Variants in ENPEP observed in about 807,000 individuals in gnomAD.
ENPEP encodes the protein glutamyl aminopeptidase, also known as AP-A.
A neutral mutation model predicts 114.5 loss-of-function variants in ENPEP; 103 were observed. That is an observed-to-expected ratio of 0.90 (90% CI 0.77 to 1.06). The LOEUF is 1.06. ENPEP is among the 50% of genes least tolerant of loss of function. The probability of loss-of-function intolerance (pLI) is 0.00; values close to 1 mark genes in which losing one functional copy is unlikely to be tolerated. For synonymous variants in ENPEP, 420 were observed against 422.0 expected, an observed-to-expected ratio of 1.00 and a Z score of 0.06; for missense variants, 1,196 against 1,161.3, an observed-to-expected ratio of 1.03 and a Z score of -0.43.
rs187582731 is a variant in ENPEP, at chr4:110,506,775, A to G, written c.1039+18A>G. Reference sequence around the variant, plus strand: ...TAAATTAGGTGAGGATCATTTTTTAATTTTCTTATTTTTAATATTGCCTTT... The same window carrying G: ...TAAATTAGGTGAGGATCATTTTTTAGTTTTCTTATTTTTAATATTGCCTTT... On this transcript the variant is annotated intron_variant, in intron 4 of 19. Coordinates refer to ENST00000265162, the MANE Select transcript of ENPEP (RefSeq NM_001977.4). 1.6e-4 allele frequency: 231 copies of G among 1,473,174 alleles called. 1 individual carries two copies. In the African/African-American group the frequency reaches 2.9e-3, roughly 18 times the overall value. 91.3% of individuals were successfully genotyped at this position (1,473,174 alleles called of 1,614,324 possible). A position where few individuals can be genotyped will look rare whatever the true frequency, so the allele number is the denominator to read the frequency against.
chr4:110,549,696 A>G lies in ENPEP; in HGVS notation c.2331-20A>G, dbSNP rs778786336. 8.7e-6 allele frequency: 14 copies of G among 1,612,726 alleles called. No homozygotes were observed. The African/African-American group carries it at 1.9e-4, about 22-fold the overall frequency. Reference sequence around the variant, plus strand: ...AGAAAAGAGTAGTTGAAATCTCTGAAACACTGTTTCTTCTTCTAGCCTTCC... The same window carrying G: ...AGAAAAGAGTAGTTGAAATCTCTGAGACACTGTTTCTTCTTCTAGCCTTCC... On this transcript the variant is annotated intron_variant, in intron 16 of 19. Coordinates refer to ENST00000265162, the MANE Select transcript of ENPEP (RefSeq NM_001977.4).
At chr4:110,494,377 A>G (rs1724847873) in intron 3 of ENPEP, among the ~76,000 whole-genome samples, 1 of 152,242 alleles carries the variant, frequency 6.6e-6, no homozygotes, top group Non-Finnish European at 1.5e-5. Flanking sequence ...GTAAAAAACA[A>G]AAATAAAAAA....
At chr4:110,480,149 A>AT (rs1724256312) in intron 1 of ENPEP, among the ~76,000 whole-genome samples, 1 of 152,228 alleles carries the variant, frequency 6.6e-6, no homozygotes, top group Admixed American at 6.5e-5. Context: ...TGTATGTTTC[A>AT]TTGGGAGCAG....
rs780680598 is a variant in ENPEP, at chr4:110,520,315, G to C, written c.1676G>C (p.Arg559Pro). Reference sequence around the variant, plus strand: ...GGTGTCAAGAACATCACACAGAAACGCTTTTTGTTGGACCCAAGAGCTAAC... The same window carrying C: ...GGTGTCAAGAACATCACACAGAAACCCTTTTTGTTGGACCCAAGAGCTAAC... ...VNGVKNITQK[R>P]FLLDPRANPS... The change falls in exon 10 of 20, where the codon CGC (arginine) becomes CCC (proline). Residue 559 changes from arginine to proline, a missense_variant. Transcript: ENST00000265162. 8.1e-6 allele frequency: 13 copies of C among 1,613,978 alleles called. No individual in the cohort carries two copies. Among genetic ancestry groups the C allele is most frequent in the Non-Finnish European group, 1.0e-5 (12 of 1,179,926 alleles).
At chr4:110,534,789 A>G (rs4834016) in intron 11 of ENPEP, among the ~76,000 whole-genome samples, 150,189 of 151,614 alleles carry the variant, frequency 0.99, 74,397 homozygotes, top group East Asian at 1. Flanking sequence ...GATTATAGGC[A>G]TGAGCCACCG....
rs1424240634 is a variant in ENPEP, at chr4:110,476,633, G to C, written c.219G>C (p.Gln73His). ...CCAGCCCCTCAGGTCCTCCTGCCCA[G>C]GACCAGGACATCTGCCCGGCCAGTG... ...STASPSGPPA[Q>H]DQDICPASED... Residue 73 changes from glutamine to histidine, a missense_variant, in exon 1 of 20, where the codon CAG becomes CAC. Coordinates refer to ENST00000265162, the MANE Select transcript of ENPEP (RefSeq NM_001977.4). 1 of 1,614,146 alleles carries C rather than the reference G, an allele frequency of 6.2e-7. No individual in the cohort carries two copies. The highest frequency in any genetic ancestry group is 2.2e-5 in the East Asian group (1 of 44,868).
At chr4:110,492,583 G>A (rs973726859) in intron 3 of ENPEP, among the ~76,000 whole-genome samples, 1 of 152,180 alleles carries the variant, frequency 6.6e-6, no homozygotes, top group African/African-American at 2.4e-5. Context: ...ATATCATGAG[G>A]ACTCATCCGT....
intron 6 of ENPEP, 123 bp downstream of exon 6, chr4:110,510,481 C>A: frequency 1.2e-6 from 1 of 802,926 alleles, no homozygotes; most frequent in Non-Finnish European, 2.0e-6. Context: ...GGGAATTCCA[C>A]TGTGAGGATA....
chr4:110,478,622 T>A (rs1383591979), intron 1 of ENPEP, among the ~76,000 whole-genome samples: 1 of 152,194 alleles, frequency 6.6e-6, no homozygotes, highest in Non-Finnish European at 1.5e-5. Flanking sequence ...TGTTCTTTAT[T>A]GAGACAGGGT....
intron 11 of ENPEP, among the ~76,000 whole-genome samples, chr4:110,539,785 A>G (rs1328831692): frequency 8.0e-6 from 1 of 124,304 alleles, no homozygotes; most frequent in East Asian, 2.0e-4. Context: ...GATTAGTGCA[A>G]CACAGCATTC....
In ENPEP at chr4:110,523,335, T is replaced by TC. The variant is rs368356746; in HGVS notation, c.1727+2974dup. On this transcript the variant is annotated intron_variant, in intron 10 of 19. Transcript: ENST00000265162. ...CCTGCCGCCATGTAAAATGTCCCTC[T>TC]CCCCCTTCTGCCATGATTGTAAGTT... 2.3e-3 allele frequency among the ~76,000 whole-genome samples: 347 copies of TC among 152,212 alleles called. 2 individuals carry two copies. The highest frequency in any genetic ancestry group is 8.1e-3 in the African/African-American group (337 of 41,534).
rs779953632 is a variant in ENPEP, at chr4:110,549,833, A to T, written c.2448A>T (p.Lys816Asn). The change falls in exon 17 of 20, where the codon AAA becomes AAT. Residue 816 changes from lysine (K) to asparagine (N), a missense_variant. Physicochemically the swap from Lys to Asn is moderately conservative, Grantham distance 94 (BLOSUM62 0). Transcript: ENST00000265162. ...AGAAAACTTCATTAGCTCAAGAAAA[A>T]GAAAAACTGCTGTATGGATTAGCAT... ...QYQKTSLAQE[K>N]EKLLYGLASV... The T allele has an allele frequency of 6.2e-7, 1 of 1,613,240 alleles. No homozygotes were observed. Among genetic ancestry groups the T allele is most frequent in the Non-Finnish European group, 8.5e-7 (1 of 1,179,486 alleles).
intron 6 of ENPEP, among the ~76,000 whole-genome samples, 180 bp downstream of exon 6, chr4:110,510,538 T>C (rs1725535429): frequency 6.7e-6 from 1 of 150,254 alleles, no homozygotes; most frequent in Non-Finnish European, 1.5e-5. Context: ...CCCCAGTACC[T>C]AGAAGGGCAG....
At chr4:110,501,337 T>C (rs915067365) in intron 3 of ENPEP, among the ~76,000 whole-genome samples, 4 of 152,158 alleles carry the variant, frequency 2.6e-5, no homozygotes, top group Non-Finnish European at 4.4e-5. Flanking sequence ...TGCTATATAG[T>C]AAATTGCATG....
At chr4:110,503,347 A>G (rs1725236065) in intron 3 of ENPEP, among the ~76,000 whole-genome samples, 1 of 152,148 alleles carries the variant, frequency 6.6e-6, no homozygotes, top group African/African-American at 2.4e-5. Flanking sequence ...TGATTTCATT[A>G]TGAAATTCCT....
chr4:110,515,663 C>G (rs1379315265), intron 8 of ENPEP: 3 of 602,894 alleles, frequency 5.0e-6, no homozygotes, highest in Non-Finnish European at 9.2e-6. Flanking sequence ...GAAGTTGAAA[C>G]AGATTACTTA....
chr4:110,509,673 T>G lies in ENPEP; in HGVS notation c.1060T>G (p.Phe354Val), dbSNP rs1725499682. 6.2e-7 allele frequency: 1 copy of G among 1,612,904 alleles called. No homozygotes were observed. Among genetic ancestry groups the G allele is most frequent in the African/African-American group, 1.3e-5 (1 of 74,920 alleles). Residue 354 changes from phenylalanine (F) to valine (V), a missense_variant, in exon 5 of 20, where the codon TTT (phenylalanine) becomes GTT (valine). Physicochemically the swap from Phe to Val is conservative, Grantham distance 50. Transcript: ENST00000265162. ...TATAGATAAAATCGCTATTCCAGAT[T>G]TTGGCACTGGTGCCATGGAGAACTG... Reference protein sequence around the residue: ...PKLDKIAIPDFGTGAMENWGL... With the variant: ...PKLDKIAIPDVGTGAMENWGL...
intron 1 of ENPEP, 69 bp downstream of exon 1, chr4:110,477,127 T>G: frequency 1.3e-6 from 2 of 1,526,036 alleles, no homozygotes; most frequent in Non-Finnish European, 1.8e-6. Flanking sequence ...TTCCTTTCCT[T>G]TTCACTTTCC....
At chr4:110,558,497 G>A (rs999725338) in intron 18 of ENPEP, among the ~76,000 whole-genome samples, 2 of 151,950 alleles carry the variant, frequency 1.3e-5, no homozygotes, top group Non-Finnish European at 2.9e-5. Flanking sequence ...GTTTCACCAT[G>A]TTGCCCAGGG....
Sources: allele counts gnomAD v4.1 joint callset (sites outside exome capture counted in the v4.1 genomes callset), GRCh38; gene constraint gnomAD v4.1.1; transcripts MANE v1.5; gene names NCBI Gene and HGNC (gene_info 2026-07-23, HGNC 2026-07-21).